Variants in BASP1 observed in about 807,000 individuals in gnomAD.
BASP1 encodes the protein brain acid soluble protein 1.
Under a neutral mutation model 2.2 loss-of-function variants are expected in BASP1, and 1 was observed. That is an observed-to-expected ratio of 0.46 (90% CI 0.16 to 2.17). BASP1 has a LOEUF of 2.17. Ranked by LOEUF, BASP1 falls within the 30% of genes most tolerant of loss-of-function variation. The pLI is 0.27. For synonymous variants in BASP1, 187 were observed against 154.2 expected, an observed-to-expected ratio of 1.21 and a Z score of -1.58; for missense variants, 352 against 327.2, an observed-to-expected ratio of 1.08 and a Z score of -0.58.
chr5:17,224,690 G>C (rs1478466449), intron 1 of BASP1, among the ~76,000 whole-genome samples: 1 of 152,200 alleles, frequency 6.6e-6, no homozygotes, highest in East Asian at 1.9e-4. Flanking sequence ...TTCCTTTCTA[G>C]TATGATGATT....
Position 17,275,121 on chromosome 5 carries a change from A to G in BASP1, c.-9-87A>G. ...GGGTGTGCAGTGCAGCAGGCCCAGA[A>G]CCCCTTGCTTTGCAAAATGCAGCTT... On this transcript the variant is annotated intron_variant, in intron 1 of 1. Coordinates refer to ENST00000322611, the MANE Select transcript of BASP1 (RefSeq NM_006317.5). The surrounding 1 kb of genome is among the most constrained non-coding windows in gnomAD (Gnocchi z 5.3). 1.5e-6 allele frequency: 2 copies of G among 1,309,262 alleles called. No homozygotes were observed. The highest frequency in any genetic ancestry group is 2.0e-5 in the Admixed American group (1 of 50,996). The allele number at this position is 1,309,262 out of a possible 1,614,324, so 81.1% of individuals were successfully genotyped here.
At chr5:17,217,609 C>G (rs1260331035), upstream of BASP1, 1 of 155,892 alleles carries the variant, frequency 6.4e-6, no homozygotes, top group Non-Finnish European at 1.4e-5. Flanking sequence ...AATGCAGAGG[C>G]TGCAGCGGCG....
intron 1 of BASP1, among the ~76,000 whole-genome samples, chr5:17,270,975 C>A (rs1395664314): frequency 2.0e-5 from 3 of 152,158 alleles, no homozygotes; most frequent in Non-Finnish European, 4.4e-5. Flanking sequence ...CCTTGAAATT[C>A]AATTCTTGTC....
chr5:17,217,941 A>T (rs1023256996), intron 1 of BASP1, 131 bp downstream of exon 1: 2 of 151,852 alleles, frequency 1.3e-5, no homozygotes, highest in African/African-American at 2.4e-5. Context: ...GTGGGCCCGG[A>T]TTGGACGGCA....
intron 1 of BASP1, among the ~76,000 whole-genome samples, chr5:17,255,015 G>A (rs1490021357): frequency 6.6e-6 from 1 of 152,166 alleles, no homozygotes; most frequent in African/African-American, 2.4e-5. Flanking sequence ...TCGAACTGAC[G>A]AAGGTGTAGC....
At chr5:17,257,858 A>G (rs1042015496) in intron 1 of BASP1, among the ~76,000 whole-genome samples, 15 of 152,278 alleles carry the variant, frequency 9.9e-5, no homozygotes, top group African/African-American at 3.6e-4. Context: ...TGGAAGCTTC[A>G]TGTTGTGTAA....
intron 1 of BASP1, among the ~76,000 whole-genome samples, chr5:17,269,629 T>C (rs773625421): frequency 6.6e-6 from 1 of 152,212 alleles, no homozygotes; most frequent in Non-Finnish European, 1.5e-5. Flanking sequence ...GAGGCTTGGT[T>C]TTATAAGGTG....
intron 1 of BASP1, among the ~76,000 whole-genome samples, chr5:17,221,218 A>G (rs1715132648): frequency 6.6e-5 from 10 of 152,222 alleles, no homozygotes; most frequent in Admixed American, 6.5e-4. Context: ...ATCCCAGTGT[A>G]CCTGGAGCAT....
Position 17,217,821 on chromosome 5 carries a change from G to A in BASP1, c.-10+11G>A, listed in dbSNP as rs984275686. 2 of 151,822 alleles carry A rather than the reference G, an allele frequency of 1.3e-5. No individual in the cohort carries two copies. Among genetic ancestry groups the A allele is most frequent in the African/African-American group, 2.4e-5 (1 of 41,362 alleles). 9.4% of individuals were successfully genotyped at this position (151,822 alleles called of 1,614,324 possible). ...AGGCACCCAGAGCCGGTAAGGAGGC[G>A]CGCCCGGTGGCCCCGCGCCGCCGCG... On this transcript the variant is annotated intron_variant, in intron 1 of 1. Coordinates refer to ENST00000322611, the MANE Select transcript of BASP1 (RefSeq NM_006317.5).
At chr5:17,237,803 G>A (rs1389431802) in intron 1 of BASP1, among the ~76,000 whole-genome samples, 2 of 151,934 alleles carry the variant, frequency 1.3e-5, no homozygotes, top group Non-Finnish European at 2.9e-5. Context: ...TAGAGACAGT[G>A]TTTCACCATG....
chr5:17,243,356 G>T (rs1054901319), intron 1 of BASP1, among the ~76,000 whole-genome samples: 1 of 152,034 alleles, frequency 6.6e-6, no homozygotes, highest in Admixed American at 6.6e-5. Context: ...GTTTCGCCAC[G>T]TTGGCCAGGC....
chr5:17,246,178 A>G (rs2126504073), intron 1 of BASP1, among the ~76,000 whole-genome samples: 1 of 152,242 alleles, frequency 6.6e-6, no homozygotes, highest in South Asian at 2.1e-4. Context: ...ACAAGAACCC[A>G]ACACTGTAAA....
At chr5:17,253,827 A>G (rs1315253112) in intron 1 of BASP1, among the ~76,000 whole-genome samples, 1 of 152,132 alleles carries the variant, frequency 6.6e-6, no homozygotes, top group Non-Finnish European at 1.5e-5. Flanking sequence ...TTATTAACAA[A>G]TTTACGTGTG....
At chr5:17,245,305 CT>C (rs1330391693) in intron 1 of BASP1, among the ~76,000 whole-genome samples, 1,722 of 64,348 alleles carry the variant, frequency 0.027, 24 homozygotes, top group African/African-American at 0.049. Context: ...GAGACTCCGT[CT>C]CAAAAAAAAA....
intron 1 of BASP1, among the ~76,000 whole-genome samples, chr5:17,238,694 G>A (rs1411450364): frequency 6.6e-6 from 1 of 152,056 alleles, no homozygotes; most frequent in Non-Finnish European, 1.5e-5. Context: ...CCAGCACCAC[G>A]AATGGTTCAT....
In BASP1 at chr5:17,226,931, CTTT is replaced by C. The variant is rs5866244; in HGVS notation, c.-10+9133_-10+9135del. 4.8e-4 allele frequency among the ~76,000 whole-genome samples: 69 copies of C among 144,762 alleles called. 1 individual carries two copies. In the South Asian group the frequency reaches 6.1e-3, roughly 13 times the overall value. 95.0% of individuals were successfully genotyped at this position (144,762 alleles called of 152,430 possible). A position where few individuals can be genotyped will look rare whatever the true frequency, so the allele number is the denominator to read the frequency against. On this transcript the variant is annotated intron_variant, in intron 1 of 1. Transcript: ENST00000322611. ...AATCTTCTCTGAATAACTCATTTTT[CTTT>C]TTTTTTTTTTTCTTTTTTTCGTTTT...
chr5:17,228,270 T>C (rs1739559423), intron 1 of BASP1, among the ~76,000 whole-genome samples: 1 of 152,166 alleles, frequency 6.6e-6, no homozygotes, highest in African/African-American at 2.4e-5. Context: ...ACCAAAGTTT[T>C]CTGGGTGGAC....
chr5:17,275,958 T>TCTCTCTCTATCTCTCTCTCTATCTC lies in BASP1; in HGVS notation c.*66_*67insATCTCTCTCTCTATCTCCTCTCTCT. On this transcript the variant is annotated 3_prime_UTR_variant, in exon 2 of 2. Transcript: ENST00000322611. The surrounding 1 kb of genome is among the most constrained non-coding windows in gnomAD (Gnocchi z 5.3). The stretch of plus-strand genomic sequence containing the variant: ...TAAAACAATCTCCTCTCTCTCTCTC[T>TCTCTCTCTATCTCTCTCTCTATCTC]CTCTCTCTCTCTATCTCTCTCTCTA... 1 of 1,401,058 alleles carries TCTCTCTCTATCTCTCTCTCTATCTC rather than the reference T, an allele frequency of 7.1e-7. No homozygotes were observed. The highest frequency in any genetic ancestry group is 1.5e-5 in the South Asian group (1 of 67,526). 86.8% of individuals were successfully genotyped at this position (1,401,058 alleles called of 1,614,324 possible). A position where few individuals can be genotyped will look rare whatever the true frequency, so the allele number is the denominator to read the frequency against.
At chr5:17,257,945 G>T (rs1428822413) in intron 1 of BASP1, among the ~76,000 whole-genome samples, 1 of 152,136 alleles carries the variant, frequency 6.6e-6, no homozygotes, top group Non-Finnish European at 1.5e-5. Context: ...GGGTAGCAAG[G>T]GGACTGCCCA....
Sources: gnomAD v4.1 joint callset for allele counts (sites outside exome capture counted in the v4.1 genomes callset) on GRCh38, gnomAD v4.1.1 for gene constraint, Gnocchi (gnomAD v3.1) non-coding constraint, MANE v1.5 for transcripts, NCBI Gene and HGNC (gene_info 2026-07-23, HGNC 2026-07-21) for gene names.